Variants in RALGAPA1 observed in about 807,000 individuals in gnomAD.
RALGAPA1 encodes Ral GTPase activating protein catalytic subunit alpha 1, also known as ral GTPase-activating protein subunit alpha-1.
A neutral mutation model predicts 269.6 loss-of-function variants in RALGAPA1; 52 were observed. The ratio of observed to expected loss-of-function variants is 0.19; its 90% CI spans 0.15 to 0.24. RALGAPA1 has a LOEUF of 0.24. Ranked by LOEUF, RALGAPA1 falls within the 10% of genes least tolerant of loss-of-function variation. RALGAPA1 has a pLI of 1.00. For synonymous variants in RALGAPA1, 817 were observed against 1,008.3 expected, an observed-to-expected ratio of 0.81 and a Z score of 3.60; for missense variants, 1,917 against 3,013.9, an observed-to-expected ratio of 0.64 and a Z score of 8.52.
intron 26 of RALGAPA1, among the ~76,000 whole-genome samples, chr14:35,668,300 T>C (rs1350823838): frequency 5.3e-5 from 8 of 152,006 alleles, no homozygotes; most frequent in African/African-American, 1.7e-4. Flanking sequence ...CTGGCCAAAA[T>C]GGTGAAACCT....
intron 1 of RALGAPA1, among the ~76,000 whole-genome samples, chr14:35,803,643 T>A (rs1191970989): frequency 6.6e-6 from 1 of 151,754 alleles, no homozygotes; most frequent in Non-Finnish European, 1.5e-5. Flanking sequence ...AACTTTTTTT[T>A]TTTTTTTTGA....
chr14:35,627,860 G>A lies in RALGAPA1; in HGVS notation c.6087C>T (p.Ser2029=), dbSNP rs2061088436. Residue 2029 remains serine (S), a synonymous_variant, in exon 34 of 42, where the codon AGC becomes AGT. Transcript: ENST00000680220. ...GACTTGTTAGCATAGCAGGACCACC[G>A]CTCATTGGATAATGGCCCAGGTGAT... ...LVNHLGHYPM[S]GGPAMLTSQV... 2.0e-5 allele frequency: 32 copies of A among 1,583,430 alleles called. No homozygotes were observed. The highest frequency in any genetic ancestry group is 2.4e-5 in the Non-Finnish European group (28 of 1,159,046).
At chr14:35,675,091 C>T (rs1484328744) in intron 22 of RALGAPA1, among the ~76,000 whole-genome samples, 4 of 152,148 alleles carry the variant, frequency 2.6e-5, no homozygotes, top group Non-Finnish European at 5.9e-5. Context: ...AAACCTCAGG[C>T]TAAAGGCAGA....
chr14:35,733,739 T>G (rs2070720749), intron 12 of RALGAPA1, among the ~76,000 whole-genome samples: 1 of 151,478 alleles, frequency 6.6e-6, no homozygotes, highest in Non-Finnish European at 1.5e-5. Context: ...AGAACTAAAT[T>G]AAAACAACAA....
chr14:35,659,773 C>CAT (rs1308351888), intron 27 of RALGAPA1, among the ~76,000 whole-genome samples: 5 of 151,886 alleles, frequency 3.3e-5, no homozygotes, highest in African/African-American at 9.7e-5. Flanking sequence ...AAAAAGGTCA[C>CAT]ATGCCATAAT....
At chr14:35,749,102 A>C (rs1239851478) in intron 9 of RALGAPA1, among the ~76,000 whole-genome samples, 1 of 152,194 alleles carries the variant, frequency 6.6e-6, no homozygotes. Flanking sequence ...GTAAGTTTGC[A>C]GTTCAAACAA....
At chr14:35,718,097 C>T (rs977350388) in intron 16 of RALGAPA1, among the ~76,000 whole-genome samples, 34 of 152,172 alleles carry the variant, frequency 2.2e-4, no homozygotes, top group African/African-American at 8.0e-4. Flanking sequence ...CGTCCTATGT[C>T]CTTAGCTCTA....
intron 2 of RALGAPA1, 52 bp downstream of exon 2, chr14:35,775,583 T>C (rs2074958358): frequency 1.3e-6 from 2 of 1,529,476 alleles, no homozygotes; most frequent in Non-Finnish European, 1.7e-6. Flanking sequence ...GTTATGTTTA[T>C]GACAATTATT....
chr14:35,680,579 AT>A, intron 21 of RALGAPA1, among the ~76,000 whole-genome samples: 1 of 130,876 alleles, frequency 7.6e-6, no homozygotes, highest in Middle Eastern at 3.5e-3. Context: ...ACTGCCTTTA[AT>A]TTTATTTATT....
intron 33 of RALGAPA1, among the ~76,000 whole-genome samples, chr14:35,633,924 A>C (rs950425605): frequency 6.6e-6 from 1 of 152,176 alleles, no homozygotes; most frequent in Non-Finnish European, 1.5e-5. Context: ...TTAACTATGT[A>C]CTAAGTAAGG....
At chr14:35,592,115 T>C (rs1156628660) in intron 37 of RALGAPA1, among the ~76,000 whole-genome samples, 1 of 152,204 alleles carries the variant, frequency 6.6e-6, no homozygotes, top group Non-Finnish European at 1.5e-5. Flanking sequence ...AACAGACTAA[T>C]ATATCCCTAT....
intron 35 of RALGAPA1, among the ~76,000 whole-genome samples, chr14:35,612,291 A>C (rs1490478160): frequency 6.7e-6 from 1 of 149,916 alleles, no homozygotes; most frequent in African/African-American, 2.5e-5. Flanking sequence ...AGATCACTTG[A>C]GCCCAGGAAG....
At chr14:35,552,177 C>T (rs976959449) in intron 39 of RALGAPA1, among the ~76,000 whole-genome samples, 2 of 152,028 alleles carry the variant, frequency 1.3e-5, no homozygotes, top group Non-Finnish European at 2.9e-5. Context: ...CCCCCCGGCC[C>T]CCGCTTTTTT....
In RALGAPA1 at chr14:35,674,223, A is replaced by G; in HGVS notation, c.4874T>C (p.Val1625Ala). 1 of 1,612,418 alleles carries G rather than the reference A, an allele frequency of 6.2e-7. No homozygotes were observed. The highest frequency in any genetic ancestry group is 1.3e-5 in the African/African-American group (1 of 75,014). ...TDNLTSPSPP[V>A]LIPPLRILTP... ...AAGAATTCTCAGTGGAGGAATTAAA[A>G]CTGGTGGAGAAGGGGAGGTCAGGTT... The change falls in exon 24 of 42, where the codon GTT (valine) becomes GCT (alanine). Residue 1625 changes from valine to alanine, a missense_variant. This residue lies in a region of RALGAPA1 where 73 missense variants were observed against 190.6 expected (regional missense o/e 0.38). Coordinates refer to ENST00000680220, the MANE Select transcript of RALGAPA1 (RefSeq NM_001346249.2).
chr14:35,635,043 C>T (rs927575933), intron 32 of RALGAPA1, among the ~76,000 whole-genome samples: 23 of 151,726 alleles, frequency 1.5e-4, no homozygotes, highest in African/African-American at 3.6e-4. Flanking sequence ...TGGTGGTGGG[C>T]GCCTGTTATC....
intron 19 of RALGAPA1, among the ~76,000 whole-genome samples, chr14:35,685,352 CAT>C (rs1337223352): frequency 6.6e-6 from 1 of 152,016 alleles, no homozygotes; most frequent in East Asian, 1.9e-4. Context: ...CCAAATATCA[CAT>C]GATGCTGGGC....
intron 39 of RALGAPA1, among the ~76,000 whole-genome samples, chr14:35,553,712 A>C (rs1359617193): frequency 6.6e-6 from 1 of 152,198 alleles, no homozygotes; most frequent in Non-Finnish European, 1.5e-5. Context: ...AATTTTCACA[A>C]AAAGGAATTA....
intron 26 of RALGAPA1, among the ~76,000 whole-genome samples, chr14:35,670,567 T>A (rs909065904): frequency 1.3e-5 from 2 of 152,202 alleles, no homozygotes. Flanking sequence ...CCATTTATAC[T>A]GATTTACTTA....
intron 39 of RALGAPA1, among the ~76,000 whole-genome samples, chr14:35,551,374 A>G (rs1283729349): frequency 6.6e-6 from 1 of 152,200 alleles, no homozygotes; most frequent in African/African-American, 2.4e-5. Context: ...GCTGGCACTG[A>G]TAGTCTTCCA....
Sources: allele counts gnomAD v4.1 joint callset (sites outside exome capture counted in the v4.1 genomes callset), GRCh38; gene constraint gnomAD v4.1.1; regional missense constraint gnomAD v4.1.1; transcripts MANE v1.5; gene names NCBI Gene and HGNC (gene_info 2026-07-23, HGNC 2026-07-21).